The following SEMA5B variants were observed in gnomAD, a reference collection of about 807,000 sequenced individuals.
The protein encoded by SEMA5B is semaphorin 5B, also known as semaphorin-5B.
In SEMA5B, 66 loss-of-function variants were observed where a neutral mutation model predicts 135.0. That is an observed-to-expected ratio of 0.49 (90% CI 0.40 to 0.60). The LOEUF (loss-of-function observed/expected upper bound fraction) is 0.60, where lower values mean the gene tolerates loss of function less well. Among genes scored for constraint, SEMA5B ranks in the 20% least tolerant of loss-of-function variants. The pLI is 0.00. For synonymous variants in SEMA5B, 690 were observed against 639.5 expected, an observed-to-expected ratio of 1.08 and a Z score of -1.19; for missense variants, 1,501 against 1,566.3, an observed-to-expected ratio of 0.96 and a Z score of 0.70.
Position 122,922,109 on chromosome 3 carries a change from G to T in SEMA5B, c.1494C>A (p.Ile498=). ...GGCTCGCCGTGGACAGCGCCTTCAGGATGGTGCCCGACTCTGGAGGAGAGG... is the reference window on the plus strand; with the variant it reads ...GGCTCGCCGTGGACAGCGCCTTCAGTATGGTGCCCGACTCTGGAGGAGAGG... ...VLYIGTESGT[I]LKALSTASRS... is the part of the protein sequence containing the mutation. The change falls in exon 12 of 23, where the codon ATC becomes ATA. Residue 498 remains isoleucine, a synonymous_variant. Coordinates refer to ENST00000357599, the MANE Select transcript of SEMA5B (RefSeq NM_001031702.4). 2 of 1,505,920 alleles carry T rather than the reference G, an allele frequency of 1.3e-6. No homozygotes were observed. Among genetic ancestry groups the T allele is most frequent in the South Asian group, 2.6e-5 (2 of 75,584 alleles). 93.3% of individuals were successfully genotyped at this position (1,505,920 alleles called of 1,614,324 possible).
chr3:122,935,996 A>G (rs552677378), intron 5 of SEMA5B, among the ~76,000 whole-genome samples: 4 of 152,092 alleles, frequency 2.6e-5, no homozygotes, highest in African/African-American at 9.7e-5. Context: ...CCCAGCCTCT[A>G]TCCGCTTTCC....
rs997069715 is a variant in SEMA5B at position 122,913,347 on chromosome 3, G to A, written c.2358C>T (p.Asn786=). 6.3e-7 allele frequency: 1 copy of A among 1,581,164 alleles called. No homozygotes were observed. Among genetic ancestry groups the A allele is most frequent in the Non-Finnish European group, 8.5e-7 (1 of 1,170,612 alleles). Residue 786 remains asparagine (N), a synonymous_variant, in exon 17 of 23, where the codon AAC becomes AAT. Coordinates refer to ENST00000357599, the MANE Select transcript of SEMA5B (RefSeq NM_001031702.4). Reference sequence around the variant, plus strand: ...CCTGCCGTGCCCCGCCCTGCGTCACGTTCACGGGCAGCCACGGCGTCCAGG... The same window carrying A: ...CCTGCCGTGCCCCGCCCTGCGTCACATTCACGGGCAGCCACGGCGTCCAGG... ...NTPWTPWLPV[N]VTQGGARQEQ...
chr3:122,935,351 C>T (rs1481729249), intron 5 of SEMA5B, among the ~76,000 whole-genome samples: 2 of 151,388 alleles, frequency 1.3e-5, no homozygotes, highest in South Asian at 2.1e-4. Flanking sequence ...AGTAGACTTT[C>T]GTCTGATCAC....
At chr3:122,952,861 G>A (rs1031218593) in intron 2 of SEMA5B, among the ~76,000 whole-genome samples, 3 of 152,278 alleles carry the variant, frequency 2.0e-5, no homozygotes, top group South Asian at 2.1e-4. Flanking sequence ...ACCAGAGCTC[G>A]TCTGCTTCCA....
intron 1 of SEMA5B, among the ~76,000 whole-genome samples, chr3:122,969,135 T>C (rs1192339077): frequency 6.6e-6 from 1 of 152,202 alleles, no homozygotes. Context: ...ACCATATGGC[T>C]ATAAAATAAG....
chr3:122,999,388 G>T (rs529132232), intron 1 of SEMA5B, among the ~76,000 whole-genome samples: 7 of 152,010 alleles, frequency 4.6e-5, no homozygotes, highest in Non-Finnish European at 5.9e-5. Context: ...GACCATGCCC[G>T]GCTGATTTGT....
chr3:122,920,153 A>G (rs2116322), intron 12 of SEMA5B, among the ~76,000 whole-genome samples: 8,431 of 152,288 alleles, frequency 0.055, 718 homozygotes, highest in African/African-American at 0.19. Context: ...GGACCACTCC[A>G]GTGCCCACAG....
At chr3:122,945,526 G>C (rs558135474) in intron 3 of SEMA5B, among the ~76,000 whole-genome samples, 1 of 152,140 alleles carries the variant, frequency 6.6e-6, no homozygotes, top group African/African-American at 2.4e-5. Flanking sequence ...CATTCACATT[G>C]TATGTTATGG....
intron 6 of SEMA5B, 96 bp downstream of exon 6, chr3:122,928,900 C>A: frequency 3.2e-6 from 4 of 1,258,516 alleles, no homozygotes; most frequent in South Asian, 1.3e-5. Flanking sequence ...GCCTCTCTAG[C>A]AGGGGACCTC....
At position 122,943,398 on chromosome 3, in the gene SEMA5B, C is replaced by A. The variant is rs371479175; in HGVS notation, c.428+38G>T. On this transcript the variant is annotated intron_variant, in intron 4 of 22. Coordinates refer to ENST00000357599, the MANE Select transcript of SEMA5B (RefSeq NM_001031702.4). ...TATTCCCTCTACCCAGCTCCAAGCC[C>A]CTGCACTTCCCACCCCGACCCTTCT... 114 of 1,427,258 alleles carry A rather than the reference C, an allele frequency of 8.0e-5. 1 individual carries two copies. In the African/African-American group the frequency reaches 1.2e-3, roughly 15 times the overall value. The allele number at this position is 1,427,258 out of a possible 1,614,324, so 88.4% of individuals were successfully genotyped here.
At chr3:122,980,584 GGCCA>G (rs1941492520) in intron 1 of SEMA5B, among the ~76,000 whole-genome samples, 1 of 152,126 alleles carries the variant, frequency 6.6e-6, no homozygotes, top group South Asian at 2.1e-4. Flanking sequence ...CAATCATTCT[GGCCA>G]GCCGTGCTCT....
intron 1 of SEMA5B, among the ~76,000 whole-genome samples, chr3:122,974,783 G>T (rs1217823433): frequency 6.6e-6 from 1 of 152,210 alleles, no homozygotes; most frequent in South Asian, 2.1e-4. Flanking sequence ...AGTGCTTAAT[G>T]AATGTCTCTC....
chr3:122,910,903 G>C lies in SEMA5B; in HGVS notation c.3234C>G (p.Asn1078Lys). Residue 1078 changes from asparagine (N) to lysine (K), a missense_variant, in exon 22 of 23, where the codon AAC (asparagine) becomes AAG (lysine). Physicochemically the swap from Asn to Lys is moderately conservative, Grantham distance 94. Coordinates refer to ENST00000357599, the MANE Select transcript of SEMA5B (RefSeq NM_001031702.4). ...TGCCTCCGCCCTTGTAGTGCAAATG[G>C]TTGGGGGTGGCAGGATGGACCAGTG... ...ESTLVHPATP[N>K]HLHYKGGGTP... 1.2e-6 allele frequency: 2 copies of C among 1,613,776 alleles called. No individual in the cohort carries two copies. The highest frequency in any genetic ancestry group is 1.7e-6 in the Non-Finnish European group (2 of 1,180,016).
chr3:122,953,647 G>A (rs1040188273), intron 2 of SEMA5B, among the ~76,000 whole-genome samples: 1 of 152,220 alleles, frequency 6.6e-6, no homozygotes, highest in African/African-American at 2.4e-5. Flanking sequence ...GGTGAGGCAA[G>A]AGCAAGGAGT....
intron 1 of SEMA5B, among the ~76,000 whole-genome samples, chr3:122,995,497 G>A (rs574928037): frequency 6.6e-5 from 10 of 152,228 alleles, no homozygotes; most frequent in Non-Finnish European, 1.5e-4. Flanking sequence ...AGCCACAGAG[G>A]TCTTGATTCA....
At chr3:122,949,373 T>C (rs564843696) in intron 2 of SEMA5B, among the ~76,000 whole-genome samples, 3 of 152,352 alleles carry the variant, frequency 2.0e-5, no homozygotes, top group Admixed American at 2.0e-4. Flanking sequence ...TCCTAATATA[T>C]AAAGAACTGA....
At chr3:122,925,625 G>GC (rs1298489731) in intron 9 of SEMA5B, among the ~76,000 whole-genome samples, 1 of 151,838 alleles carries the variant, frequency 6.6e-6, no homozygotes, top group Non-Finnish European at 1.5e-5. Flanking sequence ...AGCCGAGATT[G>GC]CCCCACTGCG....
intron 1 of SEMA5B, among the ~76,000 whole-genome samples, chr3:122,996,571 C>G (rs1438117381): frequency 3.3e-5 from 5 of 152,230 alleles, no homozygotes; most frequent in African/African-American, 1.2e-4. Flanking sequence ...ACTGAGAGCA[C>G]TGTCTTGGTT....
At chr3:122,912,092 G>A (rs2107606611) in intron 19 of SEMA5B, 23 bp from the exon 20 acceptor site, 2 of 1,601,424 alleles carry the variant, frequency 1.2e-6, no homozygotes, top group Non-Finnish European at 1.7e-6. Context: ...GGTAGGATGA[G>A]GTTAACTGCC....
Sources: allele counts gnomAD v4.1 joint callset (sites outside exome capture counted in the v4.1 genomes callset), GRCh38; gene constraint gnomAD v4.1.1; transcripts MANE v1.5; gene names NCBI Gene and HGNC (gene_info 2026-07-23, HGNC 2026-07-21).